Variants in RTTN observed in about 807,000 individuals in gnomAD.
RTTN encodes rotatin.
Under a neutral mutation model 269.2 loss-of-function variants are expected in RTTN, and 182 were observed. That is an observed-to-expected ratio of 0.68 (90% CI 0.60 to 0.76). RTTN has a LOEUF of 0.76. Ranked by LOEUF, RTTN falls within the 30% of genes least tolerant of loss-of-function variation. The pLI is 0.00. For missense variants in RTTN, 2,545 were observed against 2,608.6 expected, an observed-to-expected ratio of 0.98 and a Z score of 0.53; for synonymous variants, 1,006 against 963.5, an observed-to-expected ratio of 1.04 and a Z score of -0.82.
chr18:70,151,733 TC>T (rs1473907857), intron 14 of RTTN, among the ~76,000 whole-genome samples: 1 of 152,170 alleles, frequency 6.6e-6, no homozygotes, highest in African/African-American at 2.4e-5. Context: ...ACTGTGACTA[TC>T]CCCTTCTGAA....
At chr18:70,098,019 T>C (rs2059048638) in intron 28 of RTTN, among the ~76,000 whole-genome samples, 1 of 151,826 alleles carries the variant, frequency 6.6e-6, no homozygotes, top group South Asian at 2.1e-4. Context: ...CTGTAAAAGG[T>C]TGATAAATAG....
In RTTN at chr18:70,088,059, G is replaced by A. The variant is rs778893563; in HGVS notation, c.4232C>T (p.Ser1411Phe). ...CACCACAGTTCCCCAGAGCCCACCG[G>A]AAATGTTCTGACAACTGTTTGCTAA... Reference protein sequence around the residue: ...VALANSCQNISGGLWGTVVNI... With the variant: ...VALANSCQNIFGGLWGTVVNI... The change falls in exon 31 of 49, where the codon TCC (serine) becomes TTC (phenylalanine). Residue 1411 changes from serine to phenylalanine, a missense_variant. By Grantham distance (155) the Ser-to-Phe change is radical (BLOSUM62 -2). Coordinates refer to ENST00000640769, the MANE Select transcript of RTTN (RefSeq NM_173630.4). The A allele has an allele frequency of 1.2e-6, 2 of 1,613,946 alleles. No individual in the cohort carries two copies. Among genetic ancestry groups the A allele is most frequent in the Non-Finnish European group, 8.5e-7 (1 of 1,179,912 alleles).
intron 26 of RTTN, among the ~76,000 whole-genome samples, chr18:70,119,888 T>C (rs2059692089): frequency 6.6e-6 from 1 of 152,238 alleles, no homozygotes; most frequent in East Asian, 1.9e-4. Flanking sequence ...CAAGGCACTA[T>C]AATAAATGCT....
intron 40 of RTTN, among the ~76,000 whole-genome samples, chr18:70,035,437 C>T (rs994334187): frequency 6.6e-6 from 1 of 152,072 alleles, no homozygotes; most frequent in African/African-American, 2.4e-5. Context: ...CTTAGACAAA[C>T]CTGACAAAAA....
chr18:70,109,866 G>A (rs963551210), intron 27 of RTTN, 149 bp from the exon 28 acceptor site: 8 of 634,500 alleles, frequency 1.3e-5, no homozygotes, highest in African/African-American at 7.4e-5. Context: ...CTATCAAAAT[G>A]AGACTTTTCA....
At chr18:70,068,441 T>C (rs1034565103) in intron 34 of RTTN, among the ~76,000 whole-genome samples, 2 of 152,178 alleles carry the variant, frequency 1.3e-5, no homozygotes, top group African/African-American at 4.8e-5. Flanking sequence ...ATAAATTCGT[T>C]AGAATCAGAG....
rs1291331126 is a variant in RTTN, at chr18:70,003,210, T to C, written c.*941A>G. 1.3e-5 allele frequency: 2 copies of C among 151,966 alleles called. No individual in the cohort carries two copies. The highest frequency in any genetic ancestry group is 2.9e-5 in the Non-Finnish European group (2 of 68,020). 9.4% of individuals were successfully genotyped at this position (151,966 alleles called of 1,614,324 possible). The stretch of plus-strand genomic sequence containing the variant: ...CTCAAGACCAGGAATGGCTAATTTT[T>C]GTATTTTTAGGAGAGATGGGATTTC... On this transcript the variant is annotated 3_prime_UTR_variant, in exon 49 of 49. Transcript: ENST00000640769.
At chr18:70,170,085 T>G (rs1054914343) in intron 11 of RTTN, among the ~76,000 whole-genome samples, 1 of 152,166 alleles carries the variant, frequency 6.6e-6, no homozygotes, top group African/African-American at 2.4e-5. Context: ...CAGCAGCTAT[T>G]AGAAAGTAAA....
intron 3 of RTTN, 124 bp from the exon 4 acceptor site, chr18:70,202,107 C>A: frequency 1.7e-6 from 1 of 586,946 alleles, no homozygotes; most frequent in East Asian, 3.2e-5. Flanking sequence ...AAAAAAAAGT[C>A]CAGTTTTTTT....
In RTTN at chr18:70,075,541, C is replaced by G; in HGVS notation, c.4375G>C (p.Gly1459Arg). The G allele has an allele frequency of 6.4e-7, 1 of 1,559,772 alleles. No individual in the cohort carries two copies. The highest frequency in any genetic ancestry group is 8.6e-7 in the Non-Finnish European group (1 of 1,161,232). Residue 1459 changes from glycine (G) to arginine (R), a missense_variant and splice_region_variant, in exon 33 of 49, where the codon GGT becomes CGT. Physicochemically the swap from Gly to Arg is moderately radical, Grantham distance 125. Transcript: ENST00000640769. ...GAGTCCTCATCATGAACACAGGGAC[C>G]CTGTAGGAAGAGAGGGAAAGAAGGA... is the stretch of plus-strand genomic sequence containing the variant. ...TEIIKDYTWQ[G>R]PCVHDEDSGL...
intron 40 of RTTN, among the ~76,000 whole-genome samples, chr18:70,039,411 A>G (rs2057273059): frequency 6.6e-6 from 1 of 152,052 alleles, no homozygotes; most frequent in Non-Finnish European, 1.5e-5. Flanking sequence ...TGCAGGGAAA[A>G]AAAAAAAGAA....
Position 70,115,765 on chromosome 18 carries a change from A to T in RTTN, c.3529-1166T>A, listed in dbSNP as rs116766500. On this transcript the variant is annotated intron_variant, in intron 26 of 48. Coordinates refer to ENST00000640769, the MANE Select transcript of RTTN (RefSeq NM_173630.4). ...ACAAAAAGAGATACAATCAAAATGT[A>T]ACTATTGTTCTTATAAAATCCTTCA... Among the ~76,000 whole-genome samples, 315 of 152,146 alleles carry T rather than the reference A, an allele frequency of 2.1e-3. 1 individual carries two copies. Among genetic ancestry groups the T allele is most frequent in the African/African-American group, 7.4e-3 (307 of 41,558 alleles).
chr18:70,132,627 G>A lies in RTTN; in HGVS notation c.2954+1846C>T, dbSNP rs112837055. ...TAATAAAATATGGCATATCAAATTC[G>A]TGGAATATACCAAAAGCCATACTTA... On this transcript the variant is annotated intron_variant, in intron 23 of 48. Transcript: ENST00000640769. Among the ~76,000 whole-genome samples, 18 of 151,868 alleles carry A rather than the reference G, an allele frequency of 1.2e-4. No homozygotes were observed. In the South Asian group the frequency reaches 1.5e-3, roughly 12 times the overall value.
In RTTN at chr18:70,051,422, G is replaced by T; in HGVS notation, c.5312C>A (p.Thr1771Lys). 2 of 1,612,198 alleles carry T rather than the reference G, an allele frequency of 1.2e-6. No individual in the cohort carries two copies. Among genetic ancestry groups the T allele is most frequent in the Non-Finnish European group, 1.7e-6 (2 of 1,179,488 alleles). ...FVTVALAKHWTAAIDMFCTCA... is the reference protein window; with the variant it reads ...FVTVALAKHWKAAIDMFCTCA... ...AAGTATCTTCTTACCAATCGCCGCTGTCCAGTGCTTGGCCAGGGCCACGGT... is the reference window on the plus strand; with the variant it reads ...AAGTATCTTCTTACCAATCGCCGCTTTCCAGTGCTTGGCCAGGGCCACGGT... The change falls in exon 39 of 49, where the codon ACA becomes AAA. Residue 1771 changes from threonine to lysine, a missense_variant. By Grantham distance (78) the Thr-to-Lys change is moderately conservative. Transcript: ENST00000640769.
chr18:70,131,897 CTG>C (rs982045616), intron 23 of RTTN: 3 of 151,306 alleles, frequency 2.0e-5, no homozygotes, highest in African/African-American at 7.3e-5. Flanking sequence ...TCCATTAAAA[CTG>C]TAAATAATGT....
At chr18:70,147,807 C>T (rs752942708) in intron 17 of RTTN, among the ~76,000 whole-genome samples, 5 of 151,916 alleles carry the variant, frequency 3.3e-5, no homozygotes, top group African/African-American at 4.8e-5. Context: ...GACCTTGGGC[C>T]CGAAAAACAA....
chr18:70,115,898 T>C (rs2059592565), intron 26 of RTTN, among the ~76,000 whole-genome samples: 1 of 151,966 alleles, frequency 6.6e-6, no homozygotes, highest in Non-Finnish European at 1.5e-5. Flanking sequence ...TATATACAAT[T>C]ATAAATAATA....
chr18:70,204,501 T>C (rs940330524), intron 2 of RTTN, among the ~76,000 whole-genome samples: 6 of 152,262 alleles, frequency 3.9e-5, no homozygotes, highest in African/African-American at 1.4e-4. Flanking sequence ...ACGCTAGAAA[T>C]GCACATTATC....
At chr18:70,033,300 T>C (rs2057073860) in intron 40 of RTTN, among the ~76,000 whole-genome samples, 1 of 152,228 alleles carries the variant, frequency 6.6e-6, no homozygotes. Flanking sequence ...TTAAACCTCT[T>C]TTCTTTATAA....
Sources: gnomAD v4.1 joint callset for allele counts (sites outside exome capture counted in the v4.1 genomes callset) on GRCh38, gnomAD v4.1.1 for gene constraint, MANE v1.5 for transcripts, NCBI Gene and HGNC (gene_info 2026-07-23, HGNC 2026-07-21) for gene names.